PRELID2: variants seen among roughly 807,000 people sequenced by gnomAD.
The protein encoded by PRELID2 is PRELI domain containing 2, also known as PRELI domain-containing protein 2.
In PRELID2, 25 loss-of-function variants were observed where a neutral mutation model predicts 28.4. The observed-to-expected ratio is 0.88, with a 90% CI of 0.64 to 1.23. The LOEUF is 1.23. PRELID2 is among the 50% of genes most tolerant of loss of function. The pLI, the probability that PRELID2 is intolerant of heterozygous loss-of-function variation, is 0.00. For synonymous variants in PRELID2, 76 were observed against 71.6 expected (o/e 1.06, Z -0.31); for missense variants, 201 against 214.4 (o/e 0.94, Z 0.39).
chr5:145,721,786 A>G (rs1755997689), intron 1 of PRELID2, among the ~76,000 whole-genome samples: 1 of 152,190 alleles, frequency 6.6e-6, no homozygotes, highest in African/African-American at 2.4e-5. Flanking sequence ...TAGAATTAAT[A>G]AGAAGGCAGG....
At chr5:145,328,264 T>C in the PRELID2 span, among the ~76,000 whole-genome samples, 1 of 152,226 alleles carries the variant, frequency 6.6e-6, no homozygotes, top group Non-Finnish European at 1.5e-5. Context: ...TGTGTCTTTA[T>C]AGTGGAATGA....
At chr5:145,530,637 G>A (rs1473947452) in intron 1 of PRELID2, among the ~76,000 whole-genome samples, 1 of 152,036 alleles carries the variant, frequency 6.6e-6, no homozygotes, top group Non-Finnish European at 1.5e-5. Context: ...GAACCGGTTG[G>A]CAATGGTACC....
the PRELID2 span, among the ~76,000 whole-genome samples, chr5:145,394,113 T>C: frequency 6.6e-6 from 1 of 152,144 alleles, no homozygotes; most frequent in African/African-American, 2.4e-5. Context: ...ATCATGCTGC[T>C]ATAAAGACAC....
intron 1 of PRELID2, among the ~76,000 whole-genome samples, chr5:145,546,684 C>T (rs993804742): frequency 6.6e-6 from 1 of 152,190 alleles, no homozygotes; most frequent in African/African-American, 2.4e-5. Flanking sequence ...ATCTCTTTCT[C>T]TCCTGCCATG....
At chr5:145,803,453 C>T (rs543593435) in intron 4 of PRELID2, among the ~76,000 whole-genome samples, 9 of 152,074 alleles carry the variant, frequency 5.9e-5, no homozygotes, top group South Asian at 4.2e-4. Context: ...AGACAGGGAA[C>T]GAAGGCGCGG....
the PRELID2 span, among the ~76,000 whole-genome samples, chr5:145,385,459 G>A: frequency 3.9e-5 from 6 of 152,278 alleles, 1 homozygote; most frequent in African/African-American, 7.2e-5. Flanking sequence ...CATCAGAAGC[G>A]ATAGTTGCCT....
At chr5:145,776,177 T>A (rs1384321970) in intron 5 of PRELID2, among the ~76,000 whole-genome samples, 4 of 152,182 alleles carry the variant, frequency 2.6e-5, no homozygotes. Context: ...AAGTTTTTAG[T>A]GCATGACATT....
the PRELID2 span, among the ~76,000 whole-genome samples, chr5:145,366,151 G>A: frequency 6.6e-6 from 1 of 151,840 alleles, no homozygotes; most frequent in Non-Finnish European, 1.5e-5. Flanking sequence ...AGCCATAGAG[G>A]ACACATGTTT....
chr5:145,460,684 A>T, the PRELID2 span, among the ~76,000 whole-genome samples: 1 of 152,336 alleles, frequency 6.6e-6, no homozygotes, highest in East Asian at 1.9e-4. Context: ...CATTTTACAG[A>T]TGAGAAAACT....
At chr5:145,285,810 C>T in the PRELID2 span, among the ~76,000 whole-genome samples, 2 of 152,136 alleles carry the variant, frequency 1.3e-5, no homozygotes, top group Non-Finnish European at 2.9e-5. Flanking sequence ...CTTCAAGTGG[C>T]AGAGATCTTA....
chr5:145,675,682 C>T (rs1484779936), intron 1 of PRELID2, among the ~76,000 whole-genome samples: 1 of 152,092 alleles, frequency 6.6e-6, no homozygotes, highest in Non-Finnish European at 1.5e-5. Context: ...ATCTCCAGGC[C>T]TGTTTCTATA....
At chr5:145,760,874 T>C (rs1345394475) in intron 6 of PRELID2, among the ~76,000 whole-genome samples, 1 of 152,212 alleles carries the variant, frequency 6.6e-6, no homozygotes, top group Non-Finnish European at 1.5e-5. Flanking sequence ...GGGTTATTTG[T>C]TTTATTCAAA....
At chr5:145,450,229 G>A in the PRELID2 span, among the ~76,000 whole-genome samples, 1 of 152,092 alleles carries the variant, frequency 6.6e-6, no homozygotes, top group African/African-American at 2.4e-5. Context: ...GCAAAACACA[G>A]AGCAGTCCGT....
chr5:145,415,311 TA>T, the PRELID2 span, among the ~76,000 whole-genome samples: 2 of 152,084 alleles, frequency 1.3e-5, no homozygotes, highest in African/African-American at 4.8e-5. Context: ...CTTTAAGTTT[TA>T]GGGTACATGT....
chr5:145,554,172 A>C (rs1752861329), intron 1 of PRELID2, among the ~76,000 whole-genome samples: 2 of 152,214 alleles, frequency 1.3e-5, no homozygotes, highest in South Asian at 4.1e-4. Context: ...CTACAAATAC[A>C]TTACAGCTAA....
chr5:145,743,041 C>G (rs1756878687), intron 1 of PRELID2, among the ~76,000 whole-genome samples: 1 of 151,876 alleles, frequency 6.6e-6, no homozygotes, highest in African/African-American at 2.4e-5. Context: ...TTGAATAGCC[C>G]TTTCAAGTAT....
At position 145,835,326 on chromosome 5, in the gene PRELID2, C is replaced by G. The variant is rs73306063; in HGVS notation, c.-75G>C. On this transcript the variant is annotated 5_prime_UTR_variant, in exon 1 of 7. Transcript: ENST00000683046. Reference sequence around the variant, plus strand: ...AGCTGCCCAGGGCTCCGCAGAGGCCCGGAGGCGCCCACACTCGGACAGCCA... The same window carrying G: ...AGCTGCCCAGGGCTCCGCAGAGGCCGGGAGGCGCCCACACTCGGACAGCCA... 260 of 989,394 alleles carry G rather than the reference C, an allele frequency of 2.6e-4. 1 individual carries two copies. In the African/African-American group the frequency reaches 3.1e-3, roughly 12 times the overall value. 61.3% of individuals were successfully genotyped at this position (989,394 alleles called of 1,614,324 possible).
At position 145,689,297 on chromosome 5, in the gene PRELID2, T is replaced by TAAA. The variant is rs112706537; in HGVS notation, n.70+75631_70+75633dup. Among the ~76,000 whole-genome samples, 14 of 150,824 alleles carry TAAA rather than the reference T, an allele frequency of 9.3e-5. 1 individual carries two copies. The highest frequency in any genetic ancestry group is 3.4e-4 in the African/African-American group (14 of 40,874). ...TCCGTGAGGCAGGTCCTTAGAGTGTTAAAAAAAAGAAAAACTGCAAATAGG... is the reference window on the plus strand; with the variant it reads ...TCCGTGAGGCAGGTCCTTAGAGTGTTAAAAAAAAAAAGAAAAACTGCAAATAGG... On this transcript the variant is annotated intron_variant and non_coding_transcript_variant, in intron 1 of 2. Transcript: ENST00000510259.
the PRELID2 span, among the ~76,000 whole-genome samples, chr5:145,257,121 AT>A: frequency 2.0e-4 from 30 of 151,922 alleles, no homozygotes; most frequent in Non-Finnish European, 5.9e-5. Flanking sequence ...GTACTATATA[AT>A]TTTTAAGCCT....
Sources: allele counts gnomAD v4.1 joint callset (sites outside exome capture counted in the v4.1 genomes callset), GRCh38; gene constraint gnomAD v4.1.1; transcripts MANE v1.5; gene names NCBI Gene and HGNC (gene_info 2026-07-23, HGNC 2026-07-21).